The following EXOC4 variants were observed in gnomAD, a reference collection of about 807,000 sequenced individuals.
EXOC4 encodes SEC8-like 1.
EXOC4 carries 71 observed loss-of-function variants against 107.2 expected under a neutral mutation model. The observed-to-expected ratio is 0.66, with a 90% confidence interval of 0.55 to 0.81. EXOC4 has a LOEUF of 0.81. Among genes scored for constraint, EXOC4 ranks in the 30% least tolerant of loss-of-function variants. EXOC4 has a pLI of 0.00. For synonymous variants in EXOC4, 456 were observed against 441.2 expected (o/e 1.03, Z -0.42); for missense variants, 1,108 against 1,189.6 (o/e 0.93, Z 1.01).
Position 133,830,346 on chromosome 7 carries a change from G to A in EXOC4, c.1734+12802G>A, listed in dbSNP as rs188752696. Among the ~76,000 whole-genome samples the A allele has an allele frequency of 4.6e-5, 7 of 152,324 alleles. No homozygotes were observed. The East Asian group carries it at 5.8e-4, about 13-fold the overall frequency. ...CTTTACCAGAGTGAGCAGCCTGCCC[G>A]AGCAGAGAGTAGGCTGGCCTGCCAG... On this transcript the variant is annotated intron_variant, in intron 11 of 17. Transcript: ENST00000253861.
At chr7:133,707,438 T>C (rs1034027280) in intron 10 of EXOC4, among the ~76,000 whole-genome samples, 28 of 151,500 alleles carry the variant, frequency 1.8e-4, no homozygotes, top group Admixed American at 1.6e-3. Context: ...TTTTTTTTTT[T>C]CCCTCCACAA....
rs202075365 is a variant in EXOC4, at chr7:133,325,529, T to A, written c.763+8139T>A. ...AAAATTCTTTTCTTTAAGAATGTTG[T>A]ATATTGGCCCCCACTCTCTTCTGGC... On this transcript the variant is annotated intron_variant, in intron 5 of 17. Transcript: ENST00000253861. 2.2e-3 allele frequency among the ~76,000 whole-genome samples: 337 copies of A among 152,284 alleles called. 2 individuals are homozygous for A. Among genetic ancestry groups the A allele is most frequent in the African/African-American group, 7.0e-3 (289 of 41,564 alleles).
At chr7:133,743,102 G>A (rs1432419865) in intron 10 of EXOC4, among the ~76,000 whole-genome samples, 1 of 152,126 alleles carries the variant, frequency 6.6e-6, no homozygotes, top group East Asian at 1.9e-4. Context: ...CTTCCCAGCG[G>A]CATCTGTTCT....
chr7:133,755,246 ATATATATTATAT>A (rs1795879445), intron 10 of EXOC4, among the ~76,000 whole-genome samples: 2 of 105,560 alleles, frequency 1.9e-5, no homozygotes, highest in Non-Finnish European at 3.7e-5. Flanking sequence ...TATATATAAT[ATATATATTATAT>A]ATATATTATA....
chr7:133,532,408 C>A (rs1399622330), intron 9 of EXOC4, among the ~76,000 whole-genome samples: 1 of 152,084 alleles, frequency 6.6e-6, no homozygotes, highest in Non-Finnish European at 1.5e-5. Flanking sequence ...GTTCCACTCT[C>A]CCACTGTAAA....
chr7:133,390,943 G>A (rs1584878745), intron 7 of EXOC4, among the ~76,000 whole-genome samples: 1 of 152,134 alleles, frequency 6.6e-6, no homozygotes, highest in African/African-American at 2.4e-5. Context: ...TTGAACACAG[G>A]TGATGTACCC....
intron 9 of EXOC4, among the ~76,000 whole-genome samples, chr7:133,558,494 G>A (rs6967776): frequency 0.23 from 35,449 of 151,922 alleles, 4,901 homozygotes; most frequent in African/African-American, 0.37. Flanking sequence ...CTGAGGCACC[G>A]GGGAGAGGGG....
chr7:133,580,383 T>C (rs1398266941), intron 9 of EXOC4, among the ~76,000 whole-genome samples: 2 of 152,222 alleles, frequency 1.3e-5, no homozygotes, highest in African/African-American at 4.8e-5. Flanking sequence ...TTGGATCATA[T>C]GGTAATTTTT....
chr7:133,298,568 A>G (rs1794571644), intron 3 of EXOC4, among the ~76,000 whole-genome samples: 1 of 152,166 alleles, frequency 6.6e-6, no homozygotes, highest in Admixed American at 6.5e-5. Context: ...TGAAGGGACC[A>G]TGAGGTTAGG....
intron 9 of EXOC4, among the ~76,000 whole-genome samples, chr7:133,599,574 T>TCA (rs1801758351): frequency 6.6e-6 from 1 of 152,242 alleles, no homozygotes; most frequent in Non-Finnish European, 1.5e-5. Flanking sequence ...TCATTGCCTC[T>TCA]TTGATGACAG....
At chr7:133,837,332 A>G (rs1248433777) in intron 11 of EXOC4, among the ~76,000 whole-genome samples, 7 of 152,184 alleles carry the variant, frequency 4.6e-5, no homozygotes, top group African/African-American at 1.7e-4. Context: ...ATCTCTAAGC[A>G]GAGGGTATTG....
At chr7:133,641,433 T>TAC (rs764566678) in intron 10 of EXOC4, among the ~76,000 whole-genome samples, 2 of 151,582 alleles carry the variant, frequency 1.3e-5, no homozygotes, top group African/African-American at 4.9e-5. Context: ...TGAGCACACA[T>TAC]ATATATATAG....
At chr7:133,300,427 T>C (rs1794616755) in intron 3 of EXOC4, among the ~76,000 whole-genome samples, 1 of 152,184 alleles carries the variant, frequency 6.6e-6, no homozygotes, top group Admixed American at 6.5e-5. Flanking sequence ...CAAGAGTCCC[T>C]GAAATCTTCA....
At chr7:133,922,734 A>G (rs1339011508) in intron 13 of EXOC4, among the ~76,000 whole-genome samples, 2 of 152,064 alleles carry the variant, frequency 1.3e-5, no homozygotes, top group Non-Finnish European at 2.9e-5. Flanking sequence ...TGTAGTCCCC[A>G]GCTACTCAGG....
At chr7:133,462,541 A>G (rs555416314) in intron 7 of EXOC4, among the ~76,000 whole-genome samples, 29 of 152,316 alleles carry the variant, frequency 1.9e-4, no homozygotes, top group African/African-American at 6.3e-4. Flanking sequence ...CTGTTTCCTC[A>G]TGCATGGGGT....
chr7:134,097,079 A>C, the EXOC4 span, among the ~76,000 whole-genome samples: 3 of 152,176 alleles, frequency 2.0e-5, no homozygotes, highest in Non-Finnish European at 4.4e-5. Flanking sequence ...TAAAAAATAG[A>C]GATCAGAAAC....
intron 9 of EXOC4, among the ~76,000 whole-genome samples, chr7:133,591,202 T>A (rs1352657390): frequency 1.5e-5 from 2 of 135,070 alleles, no homozygotes; most frequent in Non-Finnish European, 1.7e-5. Context: ...GGCTAATTTT[T>A]AAAATTTTTT....
chr7:133,620,127 A>G (rs552819152), intron 9 of EXOC4, among the ~76,000 whole-genome samples: 4 of 152,094 alleles, frequency 2.6e-5, no homozygotes, highest in African/African-American at 7.2e-5. Context: ...AGTTCAAGCA[A>G]TTCTCGTGCC....
intron 17 of EXOC4, among the ~76,000 whole-genome samples, chr7:134,020,182 G>C (rs73442648): frequency 0.015 from 2,228 of 152,258 alleles, 66 homozygotes; most frequent in African/African-American, 0.051. Context: ...AGACTAGAAG[G>C]TATAAGAATT....
Sources: gnomAD v4.1 joint callset for allele counts (sites outside exome capture counted in the v4.1 genomes callset) on GRCh38, gnomAD v4.1.1 for gene constraint, MANE v1.5 for transcripts, NCBI Gene and HGNC (gene_info 2026-07-23, HGNC 2026-07-21) for gene names.